Variants in TASP1 observed in about 807,000 individuals in gnomAD.
The protein encoded by TASP1 is threonine aspartase 1.
TASP1 carries 16 observed loss-of-function variants against 56.6 expected under a neutral mutation model. The ratio of observed to expected loss-of-function variants is 0.28; its 90% confidence interval spans 0.19 to 0.43. TASP1 has a LOEUF of 0.43. TASP1 is among the 20% of genes least tolerant of loss of function. TASP1 has a pLI of 1.00. For missense variants in TASP1, 393 were observed against 511.6 expected (o/e 0.77, Z 2.24); for synonymous variants, 179 against 184.2 (o/e 0.97, Z 0.23).
At chr20:13,107,073 T>C in the TASP1 span, among the ~76,000 whole-genome samples, 3 of 152,138 alleles carry the variant, frequency 2.0e-5, no homozygotes, top group Non-Finnish European at 2.9e-5. Flanking sequence ...TAAAAAATGG[T>C]AAGAAAAACA....
chr20:13,384,978 C>T (rs917303356), downstream of TASP1, among the ~76,000 whole-genome samples: 2 of 152,074 alleles, frequency 1.3e-5, no homozygotes, highest in African/African-American at 2.4e-5. Flanking sequence ...CAGTGTTGAG[C>T]GTTTATAGGA....
At chr20:13,160,159 C>A in the TASP1 span, 1 of 1,605,328 alleles carries the variant, frequency 6.2e-7, no homozygotes. Flanking sequence ...CCAACGGGAT[C>A]TCAGTACCAG....
chr20:13,580,969 G>A lies in TASP1; in HGVS notation c.416C>T (p.Pro139Leu). The A allele has an allele frequency of 6.2e-7, 1 of 1,606,240 alleles. No individual in the cohort carries two copies. The highest frequency in any genetic ancestry group is 8.5e-7 in the Non-Finnish European group (1 of 1,176,976). Residue 139 changes from proline to leucine, a missense_variant, in exon 6 of 14, where the codon CCA (proline) becomes CTA (leucine). Physicochemically the swap from Pro to Leu is moderately conservative, Grantham distance 98. Coordinates refer to ENST00000337743, the MANE Select transcript of TASP1 (RefSeq NM_017714.3). ...AVGALSGIKN[P>L]VSVANRLLCE... ...TAAGAGTCTGTTGGCAACCGAGACT[G>A]GGTTCTTGATTCCTATAAAAAAAAA...
chr20:13,569,844 T>C (rs193183870), intron 6 of TASP1, among the ~76,000 whole-genome samples: 6 of 152,190 alleles, frequency 3.9e-5, no homozygotes, highest in Admixed American at 2.6e-4. Flanking sequence ...TCAAACATAA[T>C]AAGATGTAAA....
intron 13 of TASP1, among the ~76,000 whole-genome samples, chr20:13,394,261 AGTGCAGTGAGCCAACCTC>A (rs1290322743): frequency 7.2e-6 from 1 of 138,284 alleles, no homozygotes; most frequent in African/African-American, 2.9e-5. Flanking sequence ...ACTGCACTCC[AGTGCAGTGAGCCAACCTC>A]GTGCCACTGC....
chr20:13,299,057 C>T, the TASP1 span: 3 of 1,613,734 alleles, frequency 1.9e-6, no homozygotes, highest in Non-Finnish European at 2.5e-6. This position sits in a 1 kb window ranked among gnomAD's most constrained non-coding sequence, Gnocchi z 5.8. Context: ...CTGAGGTGGC[C>T]TACAGCACGG....
chr20:13,124,086 C>T, the TASP1 span, among the ~76,000 whole-genome samples: 1 of 152,338 alleles, frequency 6.6e-6, no homozygotes, highest in South Asian at 2.1e-4. Context: ...AGGCCAGCAT[C>T]ATGCACATAC....
intron 11 of TASP1, among the ~76,000 whole-genome samples, chr20:13,446,351 T>C (rs1273763178): frequency 2.0e-5 from 3 of 152,150 alleles, no homozygotes; most frequent in Non-Finnish European, 4.4e-5. Context: ...TAGTTGGTAT[T>C]CCGCTGATTG....
the TASP1 span, among the ~76,000 whole-genome samples, chr20:13,296,874 C>T: frequency 3.9e-5 from 6 of 152,024 alleles, no homozygotes; most frequent in African/African-American, 7.2e-5. Context: ...AAAAATTAGT[C>T]GGGCAGAGTG....
chr20:13,435,273 A>G, intron 11 of TASP1, 119 bp from the exon 12 acceptor site: 1 of 751,570 alleles, frequency 1.3e-6, no homozygotes, highest in Non-Finnish European at 2.2e-6. Flanking sequence ...TTTTCTGATA[A>G]TCACCATTGT....
chr20:13,591,099 T>C (rs2047515431), intron 4 of TASP1, among the ~76,000 whole-genome samples: 1 of 150,290 alleles, frequency 6.7e-6, no homozygotes, highest in African/African-American at 2.4e-5. Context: ...AAAAAAACAG[T>C]ACTGGAGAAG....
the TASP1 span, among the ~76,000 whole-genome samples, chr20:13,160,896 G>T: frequency 1.3e-5 from 2 of 152,216 alleles, no homozygotes; most frequent in African/African-American, 4.8e-5. Context: ...CACAGGGGAG[G>T]TGGCTTTTGA....
intron 7 of TASP1, among the ~76,000 whole-genome samples, chr20:13,561,765 A>G (rs529809491): frequency 3.9e-5 from 6 of 152,226 alleles, no homozygotes; most frequent in Non-Finnish European, 7.3e-5. Flanking sequence ...AAGAGGGTTG[A>G]GACAGAGCTG....
At chr20:13,501,278 A>G (rs2043936252) in intron 10 of TASP1, among the ~76,000 whole-genome samples, 2 of 152,078 alleles carry the variant, frequency 1.3e-5, no homozygotes, top group South Asian at 4.1e-4. Context: ...TCTTTCTTTA[A>G]AAAGAAAGCA....
chr20:13,600,148 A>G (rs1054557619), intron 4 of TASP1, among the ~76,000 whole-genome samples: 1 of 152,242 alleles, frequency 6.6e-6, no homozygotes, highest in African/African-American at 2.4e-5. Flanking sequence ...ATAAATGGAA[A>G]GAAATACTAT....
At chr20:13,387,443 T>C (rs6033689), downstream of TASP1, among the ~76,000 whole-genome samples, 20,046 of 151,962 alleles carry the variant, frequency 0.13, 2,960 homozygotes, top group African/African-American at 0.37. Context: ...CCCACCTTGG[T>C]CTCCCAAAGT....
At chr20:13,587,091 T>C (rs1322203919) in intron 5 of TASP1, among the ~76,000 whole-genome samples, 159 bp downstream of exon 5, 1 of 152,172 alleles carries the variant, frequency 6.6e-6, no homozygotes, top group African/African-American at 2.4e-5. Flanking sequence ...AAACTACTTA[T>C]AACTAAGACT....
At position 13,613,053 on chromosome 20, in the gene TASP1, T is replaced by C. The variant is rs2048402140; in HGVS notation, c.282+10393A>G. 2.6e-5 allele frequency among the ~76,000 whole-genome samples: 4 copies of C among 152,316 alleles called. No homozygotes were observed. In the South Asian group the frequency reaches 8.3e-4, roughly 32 times the overall value. ...GCTCAATGAAAAGAAGGTAAAACTA[T>C]GGCAAAACTTTTTTTATTAGTAATA... On this transcript the variant is annotated intron_variant, in intron 4 of 13. Transcript: ENST00000337743.
At chr20:13,110,733 AG>A in the TASP1 span, among the ~76,000 whole-genome samples, 1 of 152,164 alleles carries the variant, frequency 6.6e-6, no homozygotes, top group African/African-American at 2.4e-5. Context: ...TTCTTGTTCC[AG>A]AGCCAGCGGG....
Sources: allele counts gnomAD v4.1 joint callset (sites outside exome capture counted in the v4.1 genomes callset), GRCh38; gene constraint gnomAD v4.1.1; non-coding constraint Gnocchi (gnomAD v3.1); transcripts MANE v1.5; gene names NCBI Gene and HGNC (gene_info 2026-07-23, HGNC 2026-07-21).